Variants in PCDH11X observed in about 807,000 individuals in gnomAD.
PCDH11X encodes protocadherin 11 X-linked, also known as protocadherin-11 X-linked.
Under a neutral mutation model 53.3 loss-of-function variants are expected in PCDH11X, and 18 were observed. That is an observed-to-expected ratio of 0.34 (90% CI 0.23 to 0.50). The LOEUF is 0.50. PCDH11X is among the 20% of genes least tolerant of loss of function. The probability of loss-of-function intolerance (pLI) is 0.98; values close to 1 mark genes in which losing one functional copy is unlikely to be tolerated. For missense variants in PCDH11X, 570 were observed against 1,032.4 expected (o/e 0.55, Z 6.14); for synonymous variants, 279 against 393.3 (o/e 0.71, Z 3.44).
At chrX:92,214,713 C>T (rs898220930) in intron 7 of PCDH11X, among the ~76,000 whole-genome samples, 2 of 110,731 alleles carry the variant, frequency 1.8e-5, no homozygotes, top group Admixed American at 9.7e-5. Context: ...CAAACTAGCA[C>T]GTTAAATTCT....
chrX:92,182,715 T>C lies in PCDH11X; in HGVS notation c.3034-18660T>C, dbSNP rs183022047. On this transcript the variant is annotated intron_variant, in intron 6 of 10. Coordinates refer to ENST00000682573, the MANE Select transcript of PCDH11X (RefSeq NM_032968.5). ...CTCGCTCTTTGCTTACTGCCATCCA[T>C]GTGAGAGATGACTTACTCCTCCTTG... is the stretch of plus-strand genomic sequence containing the variant. Among the ~76,000 whole-genome samples, 23 of 111,999 alleles carry C rather than the reference T, an allele frequency of 2.1e-4. No homozygotes were observed. In the Admixed American group the frequency reaches 2.1e-3, roughly 10 times the overall value.
chrX:92,047,883 A>G (rs2148041558), intron 6 of PCDH11X, among the ~76,000 whole-genome samples: 1 of 110,967 alleles, frequency 9.0e-6, no homozygotes, highest in Admixed American at 9.7e-5. Context: ...CTATATGCAC[A>G]GGAGCCACTT....
intron 6 of PCDH11X, among the ~76,000 whole-genome samples, chrX:91,946,142 C>T (rs2061570092): frequency 9.2e-6 from 1 of 109,267 alleles, no homozygotes; most frequent in Non-Finnish European, 1.9e-5. Flanking sequence ...TTGTACTCCT[C>T]ACAGTACCCC....
intron 6 of PCDH11X, among the ~76,000 whole-genome samples, chrX:92,177,021 G>A (rs1384214035): frequency 2.9e-5 from 3 of 103,072 alleles, no homozygotes; most frequent in East Asian, 3.2e-4. Flanking sequence ...TGTTGCCCAC[G>A]CTAGAGTGCA....
At chrX:92,451,672 A>G (rs763784960) in intron 9 of PCDH11X, among the ~76,000 whole-genome samples, 77 of 112,015 alleles carry the variant, frequency 6.9e-4, no homozygotes, top group African/African-American at 2.4e-3. Flanking sequence ...AGACTTCATG[A>G]TAAGAAAAGC....
rs762321411 is a variant in PCDH11X, at chrX:92,583,103, A to AT, written c.3368-35146dup. Among the ~76,000 whole-genome samples, 36 of 77,712 alleles carry AT rather than the reference A, an allele frequency of 4.6e-4. 1 individual carries two copies. The highest frequency in any genetic ancestry group is 6.9e-4 in the Admixed American group (5 of 7,228). 67.5% of individuals were successfully genotyped at this position (77,712 alleles called of 115,157 possible). ...TCTCAGATCAGACTTTGGACTGTGG[A>AT]TTTTTTTTTTTTTTTAGATGGATTC... On this transcript the variant is annotated intron_variant, in intron 10 of 10. Coordinates refer to ENST00000682573, the MANE Select transcript of PCDH11X (RefSeq NM_032968.5).
At chrX:91,862,261 C>T (rs1267457045) in intron 5 of PCDH11X, among the ~76,000 whole-genome samples, 1 of 108,944 alleles carries the variant, frequency 9.2e-6, no homozygotes, top group Non-Finnish European at 1.9e-5. Context: ...TTTTTTATTA[C>T]AGCTTTGATC....
In PCDH11X at chrX:91,791,857, A is replaced by T. The variant is rs866283851; in HGVS notation, c.-379+12173A>T. 1.7e-3 allele frequency among the ~76,000 whole-genome samples: 139 copies of T among 83,159 alleles called. 1 individual carries two copies. In the Middle Eastern group the frequency reaches 0.021, roughly 12 times the overall value. The allele number at this position is 83,159 out of a possible 115,157, so 72.2% of individuals were successfully genotyped here. A position where few individuals can be genotyped will look rare whatever the true frequency, so the allele number is the denominator to read the frequency against. ...TCAGTTCTATGAACACGATCAGTAC[A>T]TTTTTTTTTTTTTTTTTTTTTTGAG... On this transcript the variant is annotated intron_variant, in intron 1 of 10. Transcript: ENST00000682573.
At chrX:92,124,857 G>C (rs112130121) in intron 6 of PCDH11X, among the ~76,000 whole-genome samples, 3,294 of 110,516 alleles carry the variant, frequency 0.03, 161 homozygotes, top group African/African-American at 0.1. Context: ...TTATGCATTT[G>C]TTTGTTTGTT....
intron 10 of PCDH11X, among the ~76,000 whole-genome samples, chrX:92,473,027 TG>T (rs1266690483): frequency 9.5e-6 from 1 of 105,709 alleles, no homozygotes; most frequent in African/African-American, 3.5e-5. Flanking sequence ...GCTGAAAAAA[TG>T]TGTTTTTTGT....
In PCDH11X at chrX:91,983,296, C is replaced by T. The variant is rs906690985; in HGVS notation, c.3033+104023C>T. 1.1e-4 allele frequency: 98 copies of T among 924,736 alleles called. No individual in the cohort carries two copies. In the African/African-American group the frequency reaches 1.4e-3, roughly 13 times the overall value. 76.2% of individuals were successfully genotyped at this position (924,736 alleles called of 1,213,427 possible). On this transcript the variant is annotated intron_variant, in intron 6 of 10. Transcript: ENST00000682573. Reference sequence around the variant, plus strand: ...TGTCGGTGTTCTATTTCTCTGTAAACGTCAGGCCGTACTCAGTCCATCTGT... The same window carrying T: ...TGTCGGTGTTCTATTTCTCTGTAAATGTCAGGCCGTACTCAGTCCATCTGT...
intron 6 of PCDH11X, among the ~76,000 whole-genome samples, chrX:92,043,785 T>G (rs985871169): frequency 1.8e-5 from 2 of 110,981 alleles, no homozygotes; most frequent in African/African-American, 6.6e-5. Flanking sequence ...TTAAATAGCT[T>G]GAATTTCATT....
intron 6 of PCDH11X, among the ~76,000 whole-genome samples, chrX:92,084,162 C>G: frequency 9.0e-6 from 1 of 111,633 alleles, no homozygotes; most frequent in South Asian, 3.7e-4. Flanking sequence ...GATCAAGAAG[C>G]TACCAACTGA....
chrX:91,909,555 G>T (rs764287470), intron 6 of PCDH11X, among the ~76,000 whole-genome samples: 1 of 109,545 alleles, frequency 9.1e-6, no homozygotes, highest in African/African-American at 3.3e-5. Context: ...ACAAAAGAAG[G>T]TGTAGGCATT....
chrX:91,967,006 A>G (rs772371534), intron 6 of PCDH11X, among the ~76,000 whole-genome samples: 1 of 37,695 alleles, frequency 2.7e-5, no homozygotes, highest in African/African-American at 1.2e-4. Context: ...GACTGGCCCC[A>G]ATGTGTGTTG....
intron 7 of PCDH11X, among the ~76,000 whole-genome samples, chrX:92,252,883 C>T (rs747033682): frequency 1.8e-5 from 2 of 110,676 alleles, no homozygotes; most frequent in Admixed American, 9.7e-5. Context: ...TTCCCATTCC[C>T]GTCTAACTTC....
chrX:92,054,611 G>A (rs1251947178), intron 6 of PCDH11X, among the ~76,000 whole-genome samples: 20 of 110,252 alleles, frequency 1.8e-4, no homozygotes, highest in Non-Finnish European at 3.0e-4. Context: ...ACCTGAGGTC[G>A]GGAGTTCGAG....
intron 8 of PCDH11X, among the ~76,000 whole-genome samples, chrX:92,330,475 G>A (rs1221190986): frequency 9.0e-5 from 10 of 110,890 alleles, no homozygotes; most frequent in Non-Finnish European, 1.9e-5. Flanking sequence ...TACACTGCTG[G>A]TGGAAATGTA....
intron 6 of PCDH11X, among the ~76,000 whole-genome samples, chrX:91,907,401 A>ACACC (rs1556332875): frequency 5.2e-5 from 3 of 57,230 alleles, no homozygotes; most frequent in Non-Finnish European, 6.6e-5. Flanking sequence ...ACACACACAC[A>ACACC]CACACACACA....
Sources: allele counts gnomAD v4.1 joint callset (sites outside exome capture counted in the v4.1 genomes callset), GRCh38; gene constraint gnomAD v4.1.1; transcripts MANE v1.5; gene names NCBI Gene and HGNC (gene_info 2026-07-23, HGNC 2026-07-21).